SPAG16: variants seen among roughly 807,000 people sequenced by gnomAD.
SPAG16 encodes the protein sperm-associated antigen 16 protein.
Under a neutral mutation model 80.4 loss-of-function variants are expected in SPAG16, and 86 were observed. The ratio of observed to expected loss-of-function variants is 1.07; its 90% CI spans 0.90 to 1.28. The LOEUF (loss-of-function observed/expected upper bound fraction) is 1.28, where lower values mean the gene tolerates loss of function less well. SPAG16 is among the 50% of genes most tolerant of loss of function. SPAG16 has a pLI of 0.00. For missense variants in SPAG16, 870 were observed against 765.3 expected (o/e 1.14, Z -1.61); for synonymous variants, 294 against 265.9 (o/e 1.11, Z -1.03).
intron 10 of SPAG16, among the ~76,000 whole-genome samples, chr2:213,633,016 T>G (rs2062215482): frequency 6.6e-6 from 1 of 152,122 alleles, no homozygotes; most frequent in South Asian, 2.1e-4. Flanking sequence ...CCCACCTTTG[T>G]TTTTTAGAAT....
intron 10 of SPAG16, among the ~76,000 whole-genome samples, chr2:213,844,857 G>C (rs1575329317): frequency 6.6e-6 from 1 of 152,154 alleles, no homozygotes; most frequent in East Asian, 1.9e-4. Flanking sequence ...CAAATTAAAG[G>C]TTGTCGTAGG....
Position 213,387,431 on chromosome 2 carries a change from C to CTTTTTTTTTTTT in SPAG16, c.942+12330_942+12341dup, listed in dbSNP as rs71060428. Among the ~76,000 whole-genome samples, 115 of 47,898 alleles carry CTTTTTTTTTTTT rather than the reference C, an allele frequency of 2.4e-3. 31 individuals carry two copies. The highest frequency in any genetic ancestry group is 6.5e-3 in the African/African-American group (57 of 8,768). 31.4% of individuals were successfully genotyped at this position (47,898 alleles called of 152,430 possible). A position where few individuals can be genotyped will look rare whatever the true frequency, so the allele number is the denominator to read the frequency against. ...TTTGGGTTGGAATGAAATGCATGCT[C>CTTTTTTTTTTTT]TTTTTTTTTTTTTTTTTTTTTTTTT... On this transcript the variant is annotated intron_variant, in intron 9 of 15. Coordinates refer to ENST00000331683, the MANE Select transcript of SPAG16 (RefSeq NM_024532.5).
intron 10 of SPAG16, among the ~76,000 whole-genome samples, chr2:213,677,034 G>T (rs538687442): frequency 1.2e-4 from 19 of 152,066 alleles, no homozygotes; most frequent in African/African-American, 4.3e-4. Flanking sequence ...TGGTTGGTAA[G>T]CTGTTGATTA....
intron 10 of SPAG16, among the ~76,000 whole-genome samples, chr2:213,650,472 A>T (rs1376735160): frequency 1.3e-5 from 2 of 152,188 alleles, no homozygotes; most frequent in African/African-American, 4.8e-5. Flanking sequence ...ATATCCTATA[A>T]CTTACTTAGT....
At chr2:214,405,032 G>C (rs1319432177) in intron 15 of SPAG16, among the ~76,000 whole-genome samples, 1 of 152,070 alleles carries the variant, frequency 6.6e-6, no homozygotes, top group Non-Finnish European at 1.5e-5. Context: ...ATTAACATGA[G>C]CATTAAAGTT....
In SPAG16 at chr2:213,893,269, A is replaced by G. The variant is rs535913380; in HGVS notation, c.1214+30641A>G. 1.5e-4 allele frequency among the ~76,000 whole-genome samples: 23 copies of G among 152,296 alleles called. 1 individual carries two copies. In the South Asian group the frequency reaches 3.9e-3, roughly 26 times the overall value. On this transcript the variant is annotated intron_variant, in intron 11 of 15. Transcript: ENST00000331683. The stretch of plus-strand genomic sequence containing the variant: ...TTCTTTCCCAGACAAACAAGAGCTT[A>G]AAAGAGTTGATCACCACCAGATATG...
intron 6 of SPAG16, among the ~76,000 whole-genome samples, chr2:213,348,173 A>C (rs1459053675): frequency 2.0e-5 from 3 of 152,084 alleles, no homozygotes; most frequent in Admixed American, 1.3e-4. Flanking sequence ...TTGTTGGTTT[A>C]AAGTCTGTTT....
At chr2:214,133,800 G>C (rs915715102) in intron 14 of SPAG16, among the ~76,000 whole-genome samples, 2 of 152,148 alleles carry the variant, frequency 1.3e-5, no homozygotes, top group African/African-American at 2.4e-5. Context: ...CAACTGAATA[G>C]AATTGGAAAG....
intron 9 of SPAG16, among the ~76,000 whole-genome samples, chr2:213,429,637 C>A (rs1007425553): frequency 6.6e-6 from 1 of 152,124 alleles, no homozygotes; most frequent in Non-Finnish European, 1.5e-5. Flanking sequence ...TCCATGACAC[C>A]TCAGCTTCTC....
chr2:213,669,713 G>T (rs917142031), intron 10 of SPAG16, among the ~76,000 whole-genome samples: 1 of 152,144 alleles, frequency 6.6e-6, no homozygotes, highest in African/African-American at 2.4e-5. Flanking sequence ...TGTTCTGTTG[G>T]AATGAAAGAA....
At position 214,099,037 on chromosome 2, in the gene SPAG16, C is replaced by T. The variant is rs187792802; in HGVS notation, c.1528-9159C>T. Among the ~76,000 whole-genome samples, 4 of 152,144 alleles carry T rather than the reference C, an allele frequency of 2.6e-5. No homozygotes were observed. In the East Asian group the frequency reaches 7.7e-4, roughly 29 times the overall value. On this transcript the variant is annotated intron_variant, in intron 13 of 15. Transcript: ENST00000331683. ...CGTGTCTGTTGTTATTTGACTTTTA[C>T]AGGAGTGCTCACTGAAGTTACTTGT...
intron 15 of SPAG16, among the ~76,000 whole-genome samples, chr2:214,291,936 G>A (rs1387614399): frequency 6.6e-6 from 1 of 152,136 alleles, no homozygotes; most frequent in Admixed American, 6.5e-5. Context: ...ATTTCTTGTA[G>A]GGCCAGTGAA....
At chr2:214,286,781 AAC>A (rs954280892) in intron 15 of SPAG16, among the ~76,000 whole-genome samples, 4 of 152,158 alleles carry the variant, frequency 2.6e-5, no homozygotes, top group African/African-American at 9.7e-5. Flanking sequence ...AATAAAAAAT[AAC>A]AGTGATAACT....
In SPAG16 at chr2:214,400,485, A is replaced by G. The variant is rs527625617; in HGVS notation, c.1721-9655A>G. The stretch of plus-strand genomic sequence containing the variant: ...AAATAATCCAGAAATGATTTAAAGT[A>G]CACAGGAGGATACGCATAGGTTATA... On this transcript the variant is annotated intron_variant, in intron 15 of 15. Coordinates refer to ENST00000331683, the MANE Select transcript of SPAG16 (RefSeq NM_024532.5). Among the ~76,000 whole-genome samples, 64 of 152,148 alleles carry G rather than the reference A, an allele frequency of 4.2e-4. 2 individuals are homozygous for G. Among genetic ancestry groups the G allele is most frequent in the Admixed American group, 3.9e-3 (59 of 15,286 alleles).
chr2:214,134,808 C>T (rs1400427035), intron 14 of SPAG16, among the ~76,000 whole-genome samples: 1 of 152,134 alleles, frequency 6.6e-6, no homozygotes, highest in East Asian at 1.9e-4. Context: ...ACTTTTTTTA[C>T]ATCATATGTA....
intron 9 of SPAG16, among the ~76,000 whole-genome samples, chr2:213,480,902 T>A (rs1456955158): frequency 6.6e-6 from 1 of 152,188 alleles, no homozygotes; most frequent in Non-Finnish European, 1.5e-5. Context: ...TTGAATAACT[T>A]AGAAATAATA....
chr2:214,290,415 A>G (rs1693711013), intron 15 of SPAG16, among the ~76,000 whole-genome samples: 1 of 151,712 alleles, frequency 6.6e-6, no homozygotes, highest in Admixed American at 6.6e-5. Flanking sequence ...CCTTCTGATA[A>G]TTTTGGATTT....
At position 214,319,225 on chromosome 2, in the gene SPAG16, A is replaced by ACACACACACACACAC. The variant is rs1189650614; in HGVS notation, c.1721-90915_1721-90914insCACACACACACACAC. 3.4e-3 allele frequency among the ~76,000 whole-genome samples: 68 copies of ACACACACACACACAC among 20,202 alleles called. 1 individual carries two copies. Among genetic ancestry groups the ACACACACACACACAC allele is most frequent in the Middle Eastern group, 0.029 (1 of 34 alleles). The allele number at this position is 20,202 out of a possible 152,430, so 13.3% of individuals were successfully genotyped here. A position where few individuals can be genotyped will look rare whatever the true frequency, so the allele number is the denominator to read the frequency against. On this transcript the variant is annotated intron_variant, in intron 15 of 15. Transcript: ENST00000331683. ...CCACACACACACACACACACACACA[A>ACACACACACACACAC]GAAGTGTAGAAAAGATCTGAAAGGT...
intron 15 of SPAG16, among the ~76,000 whole-genome samples, chr2:214,351,166 G>A (rs1215176706): frequency 3.3e-5 from 5 of 152,116 alleles, no homozygotes; most frequent in Admixed American, 6.6e-5. Context: ...AATATTTAAT[G>A]TAAGGGCTGA....
Sources: gnomAD v4.1 joint callset for allele counts (sites outside exome capture counted in the v4.1 genomes callset) on GRCh38, gnomAD v4.1.1 for gene constraint, MANE v1.5 for transcripts, NCBI Gene and HGNC (gene_info 2026-07-23, HGNC 2026-07-21) for gene names.